The following CFAP44 variants were observed in gnomAD, a reference collection of about 807,000 sequenced individuals.
CFAP44 encodes the protein cilia- and flagella-associated protein 44.
In CFAP44, 134 loss-of-function variants were observed where a neutral mutation model predicts 216.2. The ratio of observed to expected loss-of-function variants is 0.62; its 90% confidence interval spans 0.54 to 0.72. The LOEUF (loss-of-function observed/expected upper bound fraction) is 0.72. Among genes scored for constraint, CFAP44 ranks in the 30% least tolerant of loss-of-function variants. CFAP44 has a pLI of 0.00. For missense variants in CFAP44, 2,035 were observed against 2,182.1 expected, an observed-to-expected ratio of 0.93 and a Z score of 1.34; for synonymous variants, 700 against 727.6, an observed-to-expected ratio of 0.96 and a Z score of 0.61.
At chr3:113,359,587 C>A (rs1392719741) in intron 21 of CFAP44, among the ~76,000 whole-genome samples, 1 of 152,122 alleles carries the variant, frequency 6.6e-6, no homozygotes, top group South Asian at 2.1e-4. Context: ...GCATAAAGGT[C>A]TTTTAACTAT....
intron 22 of CFAP44, among the ~76,000 whole-genome samples, chr3:113,357,104 G>A (rs1365596863): frequency 6.6e-6 from 1 of 152,024 alleles, no homozygotes; most frequent in Non-Finnish European, 1.5e-5. Flanking sequence ...CAAATGATTG[G>A]TACATATATG....
At chr3:113,408,092 C>T (rs1934338158) in intron 7 of CFAP44, among the ~76,000 whole-genome samples, 2 of 152,160 alleles carry the variant, frequency 1.3e-5, no homozygotes, top group Admixed American at 6.5e-5. Context: ...GTCTATATTT[C>T]TAATAAATGA....
intron 17 of CFAP44, among the ~76,000 whole-genome samples, chr3:113,378,373 T>C (rs955344082): frequency 2.6e-5 from 4 of 152,144 alleles, no homozygotes; most frequent in Admixed American, 6.5e-5. Flanking sequence ...TAATAAAGGA[T>C]GTCCTATGAT....
Position 113,396,529 on chromosome 3 carries a change from G to C in CFAP44, c.1768C>G (p.Leu590Val), listed in dbSNP as rs141847284. ...ALAYERDGEI[L>V]ATGSKDQTVF... ...AATGTACTGCTTACCCCTGTGGCTAGAATTTCCCCATCACGTTCATAAGCT... is the reference window on the plus strand; with the variant it reads ...AATGTACTGCTTACCCCTGTGGCTACAATTTCCCCATCACGTTCATAAGCT... Residue 590 changes from leucine (L) to valine (V), a missense_variant, in exon 14 of 35, where the codon CTA (leucine) becomes GTA (valine). Transcript: ENST00000393845. 1.4e-4 allele frequency: 224 copies of C among 1,614,002 alleles called. No individual in the cohort carries two copies. The African/African-American group carries it at 2.7e-3, about 19-fold the overall frequency.
chr3:113,347,643 T>C (rs192383306), intron 22 of CFAP44, among the ~76,000 whole-genome samples: 6 of 152,350 alleles, frequency 3.9e-5, no homozygotes, highest in African/African-American at 1.4e-4. Context: ...ACTATCCTTT[T>C]AGGATCCTTC....
At chr3:113,331,641 A>G (rs1263764874) in intron 25 of CFAP44, among the ~76,000 whole-genome samples, 1 of 151,038 alleles carries the variant, frequency 6.6e-6, no homozygotes, top group African/African-American at 2.5e-5. Flanking sequence ...CCACCTGTGA[A>G]GTGTCTGAAG....
At position 113,431,096 on chromosome 3, in the gene CFAP44, AC is replaced by A. The variant is rs200103970; in HGVS notation, c.100+2468del. Among the ~76,000 whole-genome samples, 865 of 152,078 alleles carry A rather than the reference AC, an allele frequency of 5.7e-3. 10 individuals are homozygous for A. The highest frequency in any genetic ancestry group is 0.019 in the South Asian group (92 of 4,822). ...TCTACATGAGAATCCCAGAGTAAAAACTTGCTGGATGTGCTAACAAGCCTGA... is the reference window on the plus strand; with the variant it reads ...TCTACATGAGAATCCCAGAGTAAAAATTGCTGGATGTGCTAACAAGCCTGA... On this transcript the variant is annotated intron_variant, in intron 2 of 34. Coordinates refer to ENST00000393845, the MANE Select transcript of CFAP44 (RefSeq NM_001164496.2).
intron 18 of CFAP44, among the ~76,000 whole-genome samples, chr3:113,370,875 G>A (rs1017464445): frequency 4.0e-5 from 6 of 151,750 alleles, no homozygotes; most frequent in Admixed American, 1.3e-4. Flanking sequence ...AAACAACTTC[G>A]GCAAAGTCTC....
rs747502899 is a variant in CFAP44 at position 113,396,571 on chromosome 3, C to A, written c.1726G>T (p.Ala576Ser). 2 of 1,614,094 alleles carry A rather than the reference C, an allele frequency of 1.2e-6. No homozygotes were observed. Among genetic ancestry groups the A allele is most frequent in the Non-Finnish European group, 1.7e-6 (2 of 1,180,002 alleles). ...TCATAAGCTAAAGCAGTGACACAAG[C>A]AGTATGGGGTTTGAAAACCTGTTTC... ...QLKQVFKPHT[A>S]CVTALAYERD... The change falls in exon 14 of 35, where the codon GCT becomes TCT. Residue 576 changes from alanine to serine, a missense_variant. Ala to Ser is a moderately conservative substitution (Grantham distance 99, BLOSUM62 1). Coordinates refer to ENST00000393845, the MANE Select transcript of CFAP44 (RefSeq NM_001164496.2).
chr3:113,342,041 A>G lies in CFAP44; in HGVS notation c.3263-123T>C. 6 of 1,202,940 alleles carry G rather than the reference A, an allele frequency of 5.0e-6. No homozygotes were observed. In the South Asian group the frequency reaches 1.0e-4, roughly 20 times the overall value. The allele number at this position is 1,202,940 out of a possible 1,614,324, so 74.5% of individuals were successfully genotyped here. On this transcript the variant is annotated intron_variant, in intron 23 of 34. Transcript: ENST00000393845. ...ATATATTGAATTTGTAAATCAAAGT[A>G]TTTATTGAGCACTAGTTGTGGTGGC...
At chr3:113,424,369 G>A (rs141750648) in intron 4 of CFAP44, among the ~76,000 whole-genome samples, 4,357 of 152,274 alleles carry the variant, frequency 0.029, 111 homozygotes, top group East Asian at 0.1. Flanking sequence ...CCGGCAGGCG[G>A]AGGTTGCAGT....
chr3:113,322,887 G>T (rs563851191), intron 28 of CFAP44, among the ~76,000 whole-genome samples: 6 of 152,222 alleles, frequency 3.9e-5, no homozygotes, highest in Non-Finnish European at 7.3e-5. Context: ...TCACAGCTCA[G>T]CATGGCTGGG....
In CFAP44 at chr3:113,291,470, G is replaced by A; in HGVS notation, c.*87C>T. 1 of 1,418,650 alleles carries A rather than the reference G, an allele frequency of 7.0e-7. No individual in the cohort carries two copies. The highest frequency in any genetic ancestry group is 9.4e-7 in the Non-Finnish European group (1 of 1,061,152). The allele number at this position is 1,418,650 out of a possible 1,614,324, so 87.9% of individuals were successfully genotyped here. On this transcript the variant is annotated 3_prime_UTR_variant, in exon 35 of 35. Coordinates refer to ENST00000393845, the MANE Select transcript of CFAP44 (RefSeq NM_001164496.2). The stretch of plus-strand genomic sequence containing the variant: ...CACTTTCAGGCGAGTTCAGTTTAAA[G>A]TAATAAGATTGTTGGAGGTGATGAG...
In CFAP44 at chr3:113,427,317, T is replaced by C; in HGVS notation, c.123A>G (p.Thr41=). The C allele has an allele frequency of 1.9e-6, 3 of 1,609,504 alleles. No individual in the cohort carries two copies. In the South Asian group the frequency reaches 3.4e-5, roughly 18 times the overall value. Residue 41 remains threonine (T), a synonymous_variant, in exon 3 of 35, where the codon ACA becomes ACG. Coordinates refer to ENST00000393845, the MANE Select transcript of CFAP44 (RefSeq NM_001164496.2). ...TTTCATCTGTGTCATCTTCTAAAAATGTGTTATCTTCTTGAACAGGAGCTA... is the reference window on the plus strand; with the variant it reads ...TTTCATCTGTGTCATCTTCTAAAAACGTGTTATCTTCTTGAACAGGAGCTA... ...ESRSPVQEDN[T]FLEDDTDETF...
intron 6 of CFAP44, among the ~76,000 whole-genome samples, chr3:113,413,050 T>C (rs1344881010): frequency 1.3e-5 from 2 of 152,200 alleles, no homozygotes; most frequent in Non-Finnish European, 2.9e-5. Context: ...TTCCTGACTT[T>C]TTAATAATTG....
chr3:113,344,372 CT>C, intron 23 of CFAP44, 143 bp downstream of exon 23: 2 of 708,892 alleles, frequency 2.8e-6, no homozygotes, highest in Non-Finnish European at 4.6e-6. Context: ...TGATTATTTA[CT>C]CCAAAGAAAA....
chr3:113,409,092 G>C lies in CFAP44; in HGVS notation c.890+14C>G. 6.3e-7 allele frequency: 1 copy of C among 1,592,520 alleles called. No individual in the cohort carries two copies. Reference sequence around the variant, plus strand: ...GTGATATCTACTGGCACCTCTATTGGTTACCCAACCTACTTGATGTGGCCT... The same window carrying C: ...GTGATATCTACTGGCACCTCTATTGCTTACCCAACCTACTTGATGTGGCCT... On this transcript the variant is annotated intron_variant, in intron 7 of 34. Coordinates refer to ENST00000393845, the MANE Select transcript of CFAP44 (RefSeq NM_001164496.2).
chr3:113,313,563 G>C (rs1233574966), intron 28 of CFAP44, among the ~76,000 whole-genome samples: 2 of 152,084 alleles, frequency 1.3e-5, no homozygotes, highest in Non-Finnish European at 2.9e-5. Flanking sequence ...GATATGGTTT[G>C]GCTCTGTGTC....
intron 15 of CFAP44, among the ~76,000 whole-genome samples, chr3:113,388,400 GGA>G: frequency 6.6e-6 from 1 of 152,136 alleles, no homozygotes; most frequent in Middle Eastern, 3.4e-3. Context: ...AACATACAAT[GGA>G]TATACAAGAA....
Sources: gnomAD v4.1 joint callset for allele counts (sites outside exome capture counted in the v4.1 genomes callset) on GRCh38, gnomAD v4.1.1 for gene constraint, MANE v1.5 for transcripts, NCBI Gene and HGNC (gene_info 2026-07-23, HGNC 2026-07-21) for gene names.